Variants in PRR16 observed in about 807,000 individuals in gnomAD.
PRR16 encodes proline rich 16.
In PRR16, 6 loss-of-function variants were observed where a neutral mutation model predicts 18.2. The observed-to-expected ratio is 0.33, with a 90% CI of 0.18 to 0.65. The LOEUF is 0.65. Ranked by LOEUF, PRR16 falls within the 30% of genes least tolerant of loss-of-function variation. The probability of loss-of-function intolerance (pLI) is 0.74; values close to 1 mark genes in which losing one functional copy is unlikely to be tolerated. For missense variants in PRR16, 412 were observed against 376.6 expected (o/e 1.09, Z -0.78); for synonymous variants, 151 against 147.8 (o/e 1.02, Z -0.16).
chr5:120,731,658 T>G, the PRR16 span, among the ~76,000 whole-genome samples: 1 of 152,208 alleles, frequency 6.6e-6, no homozygotes, highest in Non-Finnish European at 1.5e-5. Context: ...GCTCCTTTAG[T>G]AGGACTCTTT....
the PRR16 span, among the ~76,000 whole-genome samples, chr5:120,758,733 A>G: frequency 6.6e-6 from 1 of 152,106 alleles, no homozygotes; most frequent in South Asian, 2.1e-4. Context: ...AGACCTCCCC[A>G]GCCATGCAGA....
At chr5:120,625,447 C>T (rs561333136) in intron 1 of PRR16, among the ~76,000 whole-genome samples, 73 of 152,250 alleles carry the variant, frequency 4.8e-4, no homozygotes, top group Middle Eastern at 3.4e-3. Flanking sequence ...AAGTGATCTT[C>T]CCACCTCAGC....
At chr5:120,630,884 C>T (rs1025716966) in intron 1 of PRR16, among the ~76,000 whole-genome samples, 6 of 152,082 alleles carry the variant, frequency 3.9e-5, no homozygotes, top group South Asian at 4.1e-4. Flanking sequence ...AATCTAGATA[C>T]GCATTTTGAG....
intron 1 of PRR16, among the ~76,000 whole-genome samples, chr5:120,503,919 T>G (rs905833438): frequency 6.6e-6 from 1 of 152,136 alleles, no homozygotes; most frequent in Non-Finnish European, 1.5e-5. Context: ...GATAGTTTAC[T>G]GAGAATCATG....
the PRR16 span, among the ~76,000 whole-genome samples, chr5:120,715,360 G>A: frequency 5.3e-5 from 8 of 152,118 alleles, no homozygotes; most frequent in East Asian, 3.9e-4. Context: ...AGTGCTTCAC[G>A]TTTATAGCCC....
chr5:120,713,320 C>T, the PRR16 span, among the ~76,000 whole-genome samples: 1 of 152,198 alleles, frequency 6.6e-6, no homozygotes, highest in African/African-American at 2.4e-5. Flanking sequence ...CATAGTATAT[C>T]TATAATCTGT....
chr5:120,642,682 C>T (rs1047275844), intron 1 of PRR16, among the ~76,000 whole-genome samples: 9 of 152,072 alleles, frequency 5.9e-5, no homozygotes, highest in African/African-American at 2.2e-4. Flanking sequence ...ACACTGGTCC[C>T]TCTTTCCAGA....
At chr5:120,519,861 T>C (rs1480613491) in intron 1 of PRR16, among the ~76,000 whole-genome samples, 2 of 152,148 alleles carry the variant, frequency 1.3e-5, no homozygotes, top group African/African-American at 2.4e-5. Context: ...AGAATAATTT[T>C]TATGGGTTTT....
chr5:120,496,906 C>G (rs147642715), intron 1 of PRR16, among the ~76,000 whole-genome samples: 11 of 152,184 alleles, frequency 7.2e-5, no homozygotes, highest in Non-Finnish European at 1.5e-4. Flanking sequence ...TGTATTTTCA[C>G]TTTTACACAG....
At chr5:120,771,961 GA>G in the PRR16 span, among the ~76,000 whole-genome samples, 1 of 151,882 alleles carries the variant, frequency 6.6e-6, no homozygotes. Flanking sequence ...TGGAATAAAA[GA>G]AAGCTATAAT....
At chr5:120,567,441 C>T (rs1752772107) in intron 1 of PRR16, among the ~76,000 whole-genome samples, 1 of 152,110 alleles carries the variant, frequency 6.6e-6, no homozygotes, top group South Asian at 2.1e-4. Context: ...AGTCAGAGTA[C>T]ACAGAGGGTG....
chr5:120,741,921 C>T, the PRR16 span, among the ~76,000 whole-genome samples: 10 of 152,050 alleles, frequency 6.6e-5, no homozygotes, highest in Non-Finnish European at 4.4e-5. Context: ...TTTATAGATA[C>T]TATAAGATTT....
intron 1 of PRR16, among the ~76,000 whole-genome samples, chr5:120,502,698 T>C (rs1252767673): frequency 6.6e-6 from 1 of 152,158 alleles, no homozygotes; most frequent in Non-Finnish European, 1.5e-5. Context: ...TTCTTTTTAT[T>C]AGTCGAAGCA....
chr5:120,742,970 C>G, the PRR16 span, among the ~76,000 whole-genome samples: 7 of 152,200 alleles, frequency 4.6e-5, no homozygotes, highest in Non-Finnish European at 1.5e-5. Flanking sequence ...CTTCATCTGA[C>G]AGAAGGCTGT....
chr5:120,676,201 A>T (rs1293417235), intron 1 of PRR16, among the ~76,000 whole-genome samples: 1 of 152,166 alleles, frequency 6.6e-6, no homozygotes, highest in African/African-American at 2.4e-5. Context: ...TTTGTAGAAG[A>T]ACCATATCCC....
intron 1 of PRR16, among the ~76,000 whole-genome samples, chr5:120,623,937 CTA>C (rs1470010218): frequency 6.6e-6 from 1 of 151,844 alleles, no homozygotes; most frequent in Non-Finnish European, 1.5e-5. Context: ...TATATAACAA[CTA>C]TTAATGTAGA....
At chr5:120,483,704 ATC>A (rs1749696540) in intron 1 of PRR16, among the ~76,000 whole-genome samples, 1 of 152,088 alleles carries the variant, frequency 6.6e-6, no homozygotes. Flanking sequence ...CAAATATATC[ATC>A]TTTTATTGTG....
the PRR16 span, among the ~76,000 whole-genome samples, chr5:120,740,736 T>C: frequency 2.6e-5 from 4 of 152,270 alleles, no homozygotes; most frequent in African/African-American, 9.6e-5. Flanking sequence ...AAAAAGTTCA[T>C]AGGAATTGGG....
At chr5:120,523,901 A>G (rs964640295) in intron 1 of PRR16, among the ~76,000 whole-genome samples, 5 of 152,164 alleles carry the variant, frequency 3.3e-5, no homozygotes, top group African/African-American at 4.8e-5. Context: ...CCCAAGAGAA[A>G]TATACAGAAT....
Sources: allele counts gnomAD v4.1 joint callset (sites outside exome capture counted in the v4.1 genomes callset), GRCh38; gene constraint gnomAD v4.1.1; transcripts MANE v1.5; gene names NCBI Gene and HGNC (gene_info 2026-07-23, HGNC 2026-07-21).